SPOCK3: variants seen among roughly 807,000 people sequenced by gnomAD.
SPOCK3 encodes testican-3.
A neutral mutation model predicts 56.6 loss-of-function variants in SPOCK3; 30 were observed. That is an observed-to-expected ratio of 0.53 (90% confidence interval 0.40 to 0.72). The LOEUF (loss-of-function observed/expected upper bound fraction) is 0.72. Ranked by LOEUF, SPOCK3 falls within the 30% of genes least tolerant of loss-of-function variation. The probability of loss-of-function intolerance (pLI) is 0.00; values close to 1 mark genes in which losing one functional copy is unlikely to be tolerated. For missense variants in SPOCK3, 527 were observed against 530.0 expected (o/e 0.99, Z 0.06); for synonymous variants, 196 against 183.3 (o/e 1.07, Z -0.56).
chr4:166,991,613 G>T (rs929008495), intron 4 of SPOCK3, among the ~76,000 whole-genome samples: 2 of 151,776 alleles, frequency 1.3e-5, no homozygotes, highest in East Asian at 3.9e-4. Flanking sequence ...CAAGTCACCT[G>T]CCCACCTCAG....
intron 6 of SPOCK3, among the ~76,000 whole-genome samples, chr4:166,797,419 C>A (rs1388935387): frequency 2.0e-5 from 3 of 150,414 alleles, no homozygotes; most frequent in Non-Finnish European, 4.4e-5. Flanking sequence ...GAAGAAATTA[C>A]ATAATCTCAA....
rs55740507 is a variant in SPOCK3 at position 167,102,922 on chromosome 4, GAAAAAAAAAAA to G, written c.190-40396_190-40386del. Among the ~76,000 whole-genome samples, 3 of 62,516 alleles carry G rather than the reference GAAAAAAAAAAA, an allele frequency of 4.8e-5. No homozygotes were observed. In the Admixed American group the frequency reaches 6.8e-4, roughly 14 times the overall value. 41.0% of individuals were successfully genotyped at this position (62,516 alleles called of 152,430 possible). A position where few individuals can be genotyped will look rare whatever the true frequency, so the allele number is the denominator to read the frequency against. On this transcript the variant is annotated intron_variant, in intron 2 of 10. Coordinates refer to ENST00000357545, the MANE Select transcript of SPOCK3 (RefSeq NM_001040159.2). ...CCAACACCAGGCAATATAGCTTGCA[GAAAAAAAAAAA>G]AAAAAAAAAAAAAAGTCACTCCTTC...
intron 4 of SPOCK3, among the ~76,000 whole-genome samples, chr4:166,935,647 T>A (rs982066228): frequency 2.0e-5 from 3 of 152,110 alleles, no homozygotes; most frequent in African/African-American, 7.2e-5. Flanking sequence ...GAAGAATCGT[T>A]ATAGAGTTTG....
At chr4:166,765,657 T>C (rs1352999766) in intron 7 of SPOCK3, among the ~76,000 whole-genome samples, 2 of 152,128 alleles carry the variant, frequency 1.3e-5, no homozygotes, top group Non-Finnish European at 2.9e-5. Flanking sequence ...TTAGGATTGT[T>C]TTGGCAATGT....
intron 6 of SPOCK3, among the ~76,000 whole-genome samples, chr4:166,854,643 A>G (rs909093749): frequency 3.9e-5 from 6 of 152,194 alleles, no homozygotes; most frequent in African/African-American, 1.4e-4. Flanking sequence ...TATCAAAATT[A>G]TACTGTTGAC....
chr4:167,143,730 C>T (rs1441522587), intron 2 of SPOCK3, among the ~76,000 whole-genome samples: 1 of 151,922 alleles, frequency 6.6e-6, no homozygotes, highest in Admixed American at 6.6e-5. Flanking sequence ...AAATGGAAAA[C>T]CCTGAGTTCA....
intron 6 of SPOCK3, among the ~76,000 whole-genome samples, chr4:166,849,011 AG>A (rs2126864015): frequency 6.6e-6 from 1 of 151,968 alleles, no homozygotes; most frequent in South Asian, 2.1e-4. Context: ...TAAGTAAAGA[AG>A]CCAACATTTT....
At chr4:167,118,322 T>G (rs1356103614) in intron 2 of SPOCK3, among the ~76,000 whole-genome samples, 1 of 152,170 alleles carries the variant, frequency 6.6e-6, no homozygotes, top group Admixed American at 6.6e-5. Context: ...CCATAATCAC[T>G]TATAAATCCA....
At chr4:167,205,546 A>G (rs1356047225) in intron 2 of SPOCK3, among the ~76,000 whole-genome samples, 2 of 59,286 alleles carry the variant, frequency 3.4e-5, no homozygotes, top group African/African-American at 8.4e-5. Context: ...AATATATATT[A>G]TATAATATAT....
At position 167,106,409 on chromosome 4, in the gene SPOCK3, A is replaced by G. The variant is rs545557363; in HGVS notation, c.190-43872T>C. 1.6e-3 allele frequency among the ~76,000 whole-genome samples: 244 copies of G among 152,048 alleles called. 11 individuals carry two copies. The South Asian group carries it at 0.048, about 30-fold the overall frequency. On this transcript the variant is annotated intron_variant, in intron 2 of 10. Transcript: ENST00000357545. ...CCATTGTGTCAATTAAAAAGTTAAG[A>G]AGGAAATTTGAAAACTTTATTGAAA...
intron 2 of SPOCK3, among the ~76,000 whole-genome samples, chr4:167,136,695 T>C (rs1488277650): frequency 6.6e-6 from 1 of 152,190 alleles, no homozygotes; most frequent in Non-Finnish European, 1.5e-5. Context: ...GAGAAATATT[T>C]CATTTTATAA....
At chr4:167,085,086 A>G (rs1758064295) in intron 2 of SPOCK3, among the ~76,000 whole-genome samples, 1 of 151,890 alleles carries the variant, frequency 6.6e-6, no homozygotes, top group African/African-American at 2.4e-5. Context: ...AAAAACTCTA[A>G]TGTCATCTAA....
chr4:166,934,476 C>T (rs1041951397), intron 4 of SPOCK3, among the ~76,000 whole-genome samples: 5 of 151,452 alleles, frequency 3.3e-5, no homozygotes, highest in African/African-American at 7.3e-5. Flanking sequence ...TCAGCCTGGG[C>T]GACAGAGCGA....
intron 2 of SPOCK3, among the ~76,000 whole-genome samples, chr4:167,202,722 A>T (rs13140992): frequency 0.04 from 6,118 of 151,802 alleles, 167 homozygotes; most frequent in Middle Eastern, 0.075. Flanking sequence ...CTTTTGATAA[A>T]TGAACTGTTC....
intron 4 of SPOCK3, among the ~76,000 whole-genome samples, chr4:166,983,600 T>C (rs1366770814): frequency 6.6e-6 from 1 of 152,122 alleles, no homozygotes; most frequent in Admixed American, 6.5e-5. Context: ...GTTTAGCGTA[T>C]ATTTTTCAAT....
At chr4:166,844,322 A>G (rs771566207) in intron 6 of SPOCK3, among the ~76,000 whole-genome samples, 2 of 152,218 alleles carry the variant, frequency 1.3e-5, no homozygotes, top group Non-Finnish European at 1.5e-5. Flanking sequence ...GACTACAGGA[A>G]ATTGATGTAA....
intron 4 of SPOCK3, among the ~76,000 whole-genome samples, chr4:166,949,936 C>T (rs1742313885): frequency 6.6e-6 from 1 of 151,086 alleles, no homozygotes; most frequent in African/African-American, 2.5e-5. Context: ...CTGAAGGAAG[C>T]ACTAAACATG....
chr4:166,764,336 C>A (rs1415021493), intron 7 of SPOCK3, among the ~76,000 whole-genome samples: 1 of 152,024 alleles, frequency 6.6e-6, no homozygotes, highest in Admixed American at 6.6e-5. Flanking sequence ...GCTTTCCCTC[C>A]CCCCTCTCCC....
chr4:167,056,805 C>T (rs1280683620), intron 3 of SPOCK3, among the ~76,000 whole-genome samples: 8 of 152,134 alleles, frequency 5.3e-5, no homozygotes, highest in Non-Finnish European at 7.4e-5. Context: ...CAAATCTACG[C>T]CTGATTGCTG....
Sources: gnomAD v4.1 joint callset for allele counts (sites outside exome capture counted in the v4.1 genomes callset) on GRCh38, gnomAD v4.1.1 for gene constraint, MANE v1.5 for transcripts, NCBI Gene and HGNC (gene_info 2026-07-23, HGNC 2026-07-21) for gene names.